IL1RAPL2: variants seen among roughly 807,000 people sequenced by gnomAD.
The protein encoded by IL1RAPL2 is X-linked interleukin-1 receptor accessory protein-like 2.
In IL1RAPL2, 3 loss-of-function variants were observed where a neutral mutation model predicts 44.1. The ratio of observed to expected loss-of-function variants is 0.07; its 90% CI spans 0.03 to 0.18. The LOEUF (loss-of-function observed/expected upper bound fraction) is 0.18. Ranked by LOEUF, IL1RAPL2 falls within the 10% of genes least tolerant of loss-of-function variation. IL1RAPL2 has a pLI of 1.00. For synonymous variants in IL1RAPL2, 181 were observed against 178.8 expected, an observed-to-expected ratio of 1.01 and a Z score of -0.10; for missense variants, 391 against 496.4, an observed-to-expected ratio of 0.79 and a Z score of 2.02.
rs200745261 is a variant in IL1RAPL2 at position 105,424,757 on chromosome X, AT to A, written c.698-59555del. Among the ~76,000 whole-genome samples the A allele has an allele frequency of 1.1e-4, 12 of 110,048 alleles. No homozygotes were observed. The East Asian group carries it at 3.5e-3, about 32-fold the overall frequency. On this transcript the variant is annotated intron_variant, in intron 5 of 10. Transcript: ENST00000372582. ...AAGAGTGAAACTATGTCTCAAAAAA[AT>A]AAATGAATAAAATAAAAAATAAAAA... is the stretch of plus-strand genomic sequence containing the variant.
chrX:105,138,004 T>G (rs770273939), intron 2 of IL1RAPL2, among the ~76,000 whole-genome samples: 1 of 111,787 alleles, frequency 8.9e-6, no homozygotes, highest in South Asian at 3.8e-4. Flanking sequence ...GCCCAGGAGA[T>G]CAAGGCTGCA....
chrX:105,256,333 TC>T (rs1354004912), intron 4 of IL1RAPL2, among the ~76,000 whole-genome samples: 2 of 100,507 alleles, frequency 2.0e-5, no homozygotes, highest in African/African-American at 7.4e-5. Flanking sequence ...CAATTTTTTT[TC>T]TTTTTTTTTT....
At chrX:105,445,359 T>C (rs2035947612) in intron 5 of IL1RAPL2, among the ~76,000 whole-genome samples, 1 of 111,474 alleles carries the variant, frequency 9.0e-6, no homozygotes, top group Admixed American at 9.6e-5. Context: ...TTTATTTCCT[T>C]GATCGTTTTT....
chrX:105,476,607 T>C (rs2036199216), intron 5 of IL1RAPL2, among the ~76,000 whole-genome samples: 1 of 112,127 alleles, frequency 8.9e-6, no homozygotes, highest in African/African-American at 3.2e-5. Flanking sequence ...GCTGATCTGT[T>C]TCCTCCTGTT....
At chrX:105,716,203 T>C (rs936737873) in intron 6 of IL1RAPL2, among the ~76,000 whole-genome samples, 1 of 111,924 alleles carries the variant, frequency 8.9e-6, no homozygotes, top group Admixed American at 9.5e-5. Flanking sequence ...GACAATTTAA[T>C]AGAGACTTTA....
At chrX:105,389,132 T>A (rs2035502643) in intron 5 of IL1RAPL2, among the ~76,000 whole-genome samples, 1 of 111,995 alleles carries the variant, frequency 8.9e-6, no homozygotes, top group Non-Finnish European at 1.9e-5. Flanking sequence ...TGCTTGATGG[T>A]AGTATAATTT....
At chrX:105,549,758 C>T (rs1020923889) in intron 6 of IL1RAPL2, among the ~76,000 whole-genome samples, 9 of 111,607 alleles carry the variant, frequency 8.1e-5, no homozygotes, top group East Asian at 2.8e-4. Flanking sequence ...AATTTCTTCA[C>T]AGTATCTACT....
At chrX:105,505,930 T>C (rs2036428019) in intron 6 of IL1RAPL2, among the ~76,000 whole-genome samples, 1 of 111,442 alleles carries the variant, frequency 9.0e-6, no homozygotes, top group African/African-American at 3.3e-5. Context: ...AAGGTATTGG[T>C]GGAGATGGAA....
chrX:105,744,665 T>A (rs1173627782), intron 8 of IL1RAPL2, among the ~76,000 whole-genome samples: 1 of 111,733 alleles, frequency 8.9e-6, no homozygotes, highest in Non-Finnish European at 1.9e-5. Flanking sequence ...ACATCTAATA[T>A]ATCCAATTAA....
Position 105,233,930 on chromosome X carries a change from A to G in IL1RAPL2, c.469A>G (p.Arg157Gly). The change falls in exon 4 of 11, where the codon AGA becomes GGA. Residue 157 changes from arginine (R) to glycine (G), a missense_variant. Transcript: ENST00000372582. Reference sequence around the variant, plus strand: ...TTTAGAAAAATCTGAAGTCACTAAAAGAAAGGAGATCTCCTGTCCAGACAT... The same window carrying G: ...TTTAGAAAAATCTGAAGTCACTAAAGGAAAGGAGATCTCCTGTCCAGACAT... The part of the protein sequence containing the change: ...RYLEKSEVTK[R>G]KEISCPDMDD... 2 of 1,211,264 alleles carry G rather than the reference A, an allele frequency of 1.7e-6. No homozygotes were observed. Among genetic ancestry groups the G allele is most frequent in the Non-Finnish European group, 2.2e-6 (2 of 894,844 alleles).
chrX:105,105,347 A>C lies in IL1RAPL2; in HGVS notation c.83-90128A>C, dbSNP rs903828968. On this transcript the variant is annotated intron_variant, in intron 2 of 10. Transcript: ENST00000372582. ...TGCTATTATTATCCCCTTTATATACATGAGGAGTATGAGGATCAGAGAGAT... is the reference window on the plus strand; with the variant it reads ...TGCTATTATTATCCCCTTTATATACCTGAGGAGTATGAGGATCAGAGAGAT... Among the ~76,000 whole-genome samples the C allele has an allele frequency of 4.5e-5, 5 of 111,675 alleles. No individual in the cohort carries two copies. The Admixed American group carries it at 4.8e-4, about 11-fold the overall frequency.
At chrX:105,565,621 A>G (rs991361452) in intron 6 of IL1RAPL2, among the ~76,000 whole-genome samples, 2 of 112,115 alleles carry the variant, frequency 1.8e-5, no homozygotes, top group African/African-American at 6.5e-5. Flanking sequence ...CTGACAGGCA[A>G]TGGTCGCATA....
intron 2 of IL1RAPL2, among the ~76,000 whole-genome samples, chrX:104,794,226 G>A (rs1932838825): frequency 8.9e-6 from 1 of 111,966 alleles, no homozygotes; most frequent in African/African-American, 3.2e-5. Flanking sequence ...ACATGGAAGT[G>A]CCTGGTATCT....
intron 2 of IL1RAPL2, among the ~76,000 whole-genome samples, chrX:104,715,478 C>G (rs1402891645): frequency 9.6e-6 from 1 of 104,139 alleles, no homozygotes; most frequent in Non-Finnish European, 2.0e-5. Context: ...TTTTGTGTCT[C>G]TATCTCCTTC....
At chrX:104,899,641 TTCTC>T (rs764455150) in intron 2 of IL1RAPL2, among the ~76,000 whole-genome samples, 11 of 111,374 alleles carry the variant, frequency 9.9e-5, no homozygotes, top group Non-Finnish European at 1.5e-4. Flanking sequence ...TTAACAATCT[TTCTC>T]TGGTTTGACT....
chrX:105,610,727 G>A (rs1169245257), intron 6 of IL1RAPL2, among the ~76,000 whole-genome samples: 2 of 111,516 alleles, frequency 1.8e-5, no homozygotes, highest in Non-Finnish European at 3.8e-5. Context: ...CAAACCGACT[G>A]TGCTACCAGT....
At chrX:105,275,721 T>C (rs984457034) in intron 5 of IL1RAPL2, among the ~76,000 whole-genome samples, 1 of 111,903 alleles carries the variant, frequency 8.9e-6, no homozygotes, top group Non-Finnish European at 1.9e-5. Flanking sequence ...CTTTATGGAA[T>C]TGTCAGCAAA....
At chrX:105,145,936 A>G (rs2033175963) in intron 2 of IL1RAPL2, among the ~76,000 whole-genome samples, 1 of 111,077 alleles carries the variant, frequency 9.0e-6, no homozygotes, top group South Asian at 3.8e-4. Context: ...TTATTAGATC[A>G]AAAGGGTGGA....
At chrX:105,688,779 A>G (rs1376319614) in intron 6 of IL1RAPL2, among the ~76,000 whole-genome samples, 1 of 111,977 alleles carries the variant, frequency 8.9e-6, no homozygotes, top group Non-Finnish European at 1.9e-5. Context: ...ATCCTAAGCA[A>G]AAAGAACAAA....
Sources: allele counts gnomAD v4.1 joint callset (sites outside exome capture counted in the v4.1 genomes callset), GRCh38; gene constraint gnomAD v4.1.1; transcripts MANE v1.5; gene names NCBI Gene and HGNC (gene_info 2026-07-23, HGNC 2026-07-21).